Variants in LAMP5 observed in about 807,000 individuals in gnomAD.
LAMP5 encodes the protein lysosome-associated membrane glycoprotein 5.
A neutral mutation model predicts 30.2 loss-of-function variants in LAMP5; 36 were observed. The observed-to-expected ratio is 1.19, with a 90% confidence interval of 0.91 to 1.57. LAMP5 has a LOEUF of 1.57. Ranked by LOEUF, LAMP5 falls within the 40% of genes most tolerant of loss-of-function variation. LAMP5 has a pLI of 0.00. For synonymous variants in LAMP5, 149 were observed against 134.6 expected (o/e 1.11, Z -0.74); for missense variants, 377 against 354.9 (o/e 1.06, Z -0.50).
Position 9,530,465 on chromosome 20 carries a change from G to A in LAMP5, c.*645G>A, listed in dbSNP as rs2045143243. 1 of 152,642 alleles carries A rather than the reference G, an allele frequency of 6.6e-6. No homozygotes were observed. The highest frequency in any genetic ancestry group is 2.4e-5 in the African/African-American group (1 of 41,444). 9.5% of individuals were successfully genotyped at this position (152,642 alleles called of 1,614,324 possible). On this transcript the variant is annotated 3_prime_UTR_variant, in exon 6 of 6. Coordinates refer to ENST00000246070, the MANE Select transcript of LAMP5 (RefSeq NM_012261.4). ...GTGCCAGGTCCAAGTCGGGGGACCT[G>A]AAGAATCAATCTGTGTGAGTCTGTT...
chr20:9,523,694 G>A (rs1283162273), intron 5 of LAMP5, among the ~76,000 whole-genome samples: 2 of 152,114 alleles, frequency 1.3e-5, no homozygotes, highest in Admixed American at 1.3e-4. Flanking sequence ...CTAGAGCCCT[G>A]AGTCCACCAA....
At chr20:9,520,590 T>TG (rs58700969) in intron 5 of LAMP5, among the ~76,000 whole-genome samples, 1 of 151,774 alleles carries the variant, frequency 6.6e-6, no homozygotes, top group African/African-American at 2.4e-5. Context: ...TGTGTGTGTG[T>TG]GTGTGTGTGT....
chr20:9,515,345 A>G (rs1389314893), intron 1 of LAMP5, 108 bp from the exon 2 acceptor site: 17 of 1,008,096 alleles, frequency 1.7e-5, no homozygotes, highest in Non-Finnish European at 2.3e-5. Flanking sequence ...AGCTGCTGGC[A>G]GAGAACTTTG....
chr20:9,516,233 A>G, intron 3 of LAMP5, 23 bp from the exon 4 acceptor site: 1 of 1,613,616 alleles, frequency 6.2e-7, no homozygotes, highest in Non-Finnish European at 8.5e-7. Context: ...GGACGATTGA[A>G]GCGCACCTCC....
At position 9,514,829 on chromosome 20, in the gene LAMP5, G is replaced by C; in HGVS notation, c.-24G>C. 6.2e-7 allele frequency: 1 copy of C among 1,612,984 alleles called. No individual in the cohort carries two copies. Among genetic ancestry groups the C allele is most frequent in the Non-Finnish European group, 8.5e-7 (1 of 1,179,166 alleles). On this transcript the variant is annotated 5_prime_UTR_variant, in exon 1 of 6. Transcript: ENST00000246070. ...TGGCGGCCTCTGCAGCAGCACAGCC[G>C]GCCTCATTCGGGGCACTGCGAGTAT...
At chr20:9,518,893 G>A (rs1162335352) in intron 5 of LAMP5, among the ~76,000 whole-genome samples, 1 of 107,806 alleles carries the variant, frequency 9.3e-6, no homozygotes, top group Non-Finnish European at 2.0e-5. Context: ...ATATCCTTAA[G>A]CTCCAGGGAG....
At chr20:9,515,671 G>A (rs1291439072) in intron 2 of LAMP5, 46 bp downstream of exon 2, 4 of 1,594,712 alleles carry the variant, frequency 2.5e-6, no homozygotes, top group Non-Finnish European at 3.4e-6. Flanking sequence ...GGGCTCCAGG[G>A]CGAAGGGCAC....
At chr20:9,518,977 T>C (rs1489912123) in intron 5 of LAMP5, among the ~76,000 whole-genome samples, 3 of 152,220 alleles carry the variant, frequency 2.0e-5, no homozygotes, top group African/African-American at 7.2e-5. Flanking sequence ...TGTCTCTCAG[T>C]CTGTTTAGCC....
chr20:9,526,860 GTATATATATATA>G lies in LAMP5; in HGVS notation c.665-2751_665-2740del, dbSNP rs201564418. 9.4e-3 allele frequency among the ~76,000 whole-genome samples: 752 copies of G among 80,214 alleles called. 10 individuals are homozygous for G. The highest frequency in any genetic ancestry group is 0.039 in the Middle Eastern group (4 of 102). 52.6% of individuals were successfully genotyped at this position (80,214 alleles called of 152,430 possible). ...GATACATATACATATGTGTGTGTGT[GTATATATATATA>G]TATATATATATATATATATATATAT... On this transcript the variant is annotated intron_variant, in intron 5 of 5. Transcript: ENST00000246070.
At chr20:9,519,015 G>A (rs540931651) in intron 5 of LAMP5, among the ~76,000 whole-genome samples, 3 of 152,336 alleles carry the variant, frequency 2.0e-5, no homozygotes, top group Non-Finnish European at 4.4e-5. Context: ...CTGTGCTGTG[G>A]CAGGTTCAGG....
In LAMP5 at chr20:9,530,030, C is replaced by A; in HGVS notation, c.*210C>A. Reference sequence around the variant, plus strand: ...TTTGTAGGGTGAAATGGCAATTATTCTCTCCATGCTGGGGAGGAGGGGAGG... The same window carrying A: ...TTTGTAGGGTGAAATGGCAATTATTATCTCCATGCTGGGGAGGAGGGGAGG... On this transcript the variant is annotated 3_prime_UTR_variant, in exon 6 of 6. Coordinates refer to ENST00000246070, the MANE Select transcript of LAMP5 (RefSeq NM_012261.4). The A allele has an allele frequency of 4.3e-6, 2 of 469,704 alleles. No homozygotes were observed. The highest frequency in any genetic ancestry group is 7.5e-6 in the Non-Finnish European group (2 of 265,022). 29.1% of individuals were successfully genotyped at this position (469,704 alleles called of 1,614,324 possible).
Position 9,516,421 on chromosome 20 carries a change from G to C in LAMP5, c.475+60G>C, listed in dbSNP as rs1038323022. ...TGGGAACTCGCAGAACAGGCTTGGAGAGAGAATTCCTCAAGGTTTTGGAAA... is the reference window on the plus strand; with the variant it reads ...TGGGAACTCGCAGAACAGGCTTGGACAGAGAATTCCTCAAGGTTTTGGAAA... On this transcript the variant is annotated intron_variant, in intron 4 of 5. Coordinates refer to ENST00000246070, the MANE Select transcript of LAMP5 (RefSeq NM_012261.4). 1.3e-5 allele frequency: 18 copies of C among 1,357,958 alleles called. No homozygotes were observed. In the African/African-American group the frequency reaches 1.9e-4, roughly 14 times the overall value. The allele number at this position is 1,357,958 out of a possible 1,614,324, so 84.1% of individuals were successfully genotyped here.
At chr20:9,518,368 T>G (rs2045057266) in intron 5 of LAMP5, 140 bp downstream of exon 5, 1 of 696,250 alleles carries the variant, frequency 1.4e-6, no homozygotes, top group Admixed American at 2.9e-5. Flanking sequence ...TTAATAATTT[T>G]CAAAGACTAA....
Position 9,516,070 on chromosome 20 carries a change from A to G in LAMP5, c.308A>G (p.Gln103Arg), listed in dbSNP as rs781637924. ...AEVKGRCGHS[Q>R]SELQVFWVDR... ...GTGAAGGGCCGCTGTGGCCACAGCC[A>G]GTCGGAGCTGCAAGTGTTCTGGGTG... The change falls in exon 3 of 6, where the codon CAG becomes CGG. Residue 103 changes from glutamine to arginine, a missense_variant. Gln to Arg is a conservative substitution (Grantham distance 43, BLOSUM62 1). Transcript: ENST00000246070. 1.9e-6 allele frequency: 3 copies of G among 1,547,306 alleles called. No individual in the cohort carries two copies. The highest frequency in any genetic ancestry group is 2.6e-6 in the Non-Finnish European group (3 of 1,153,440).
At chr20:9,528,332 G>T (rs959842426) in intron 5 of LAMP5, among the ~76,000 whole-genome samples, 14 of 152,136 alleles carry the variant, frequency 9.2e-5, no homozygotes, top group African/African-American at 3.4e-4. Flanking sequence ...GCGTGTGTGT[G>T]TTTGTGTTGG....
chr20:9,524,474 G>GTTT (rs202207899), intron 5 of LAMP5, among the ~76,000 whole-genome samples: 2 of 139,256 alleles, frequency 1.4e-5, no homozygotes, highest in Admixed American at 7.4e-5. Context: ...GTAAAATATT[G>GTTT]TTTTTTTTTT....
At chr20:9,517,544 A>G (rs1394077702) in intron 4 of LAMP5, among the ~76,000 whole-genome samples, 1 of 151,632 alleles carries the variant, frequency 6.6e-6, no homozygotes, top group Non-Finnish European at 1.5e-5. Flanking sequence ...TGGGCTCAAG[A>G]GATTCTCCCA....
At chr20:9,515,930 G>C in intron 2 of LAMP5, 70 bp from the exon 3 acceptor site, 4 of 1,421,676 alleles carry the variant, frequency 2.8e-6, no homozygotes, top group Non-Finnish European at 3.7e-6. Flanking sequence ...GAGTTTGGAC[G>C]CGCCGCCCTT....
At chr20:9,517,492 C>T (rs536386561) in intron 4 of LAMP5, among the ~76,000 whole-genome samples, 2 of 151,880 alleles carry the variant, frequency 1.3e-5, no homozygotes, top group Admixed American at 6.5e-5. Context: ...GGGTGGAGGG[C>T]AGTGGCACCA....
Sources: gnomAD v4.1 joint callset for allele counts (sites outside exome capture counted in the v4.1 genomes callset) on GRCh38, gnomAD v4.1.1 for gene constraint, MANE v1.5 for transcripts, NCBI Gene and HGNC (gene_info 2026-07-23, HGNC 2026-07-21) for gene names.